Variants in FCHSD2 observed in about 807,000 individuals in gnomAD.
FCHSD2 encodes FCH and double SH3 domains 2.
FCHSD2 carries 38 observed loss-of-function variants against 108.1 expected under a neutral mutation model. That is an observed-to-expected ratio of 0.35 (90% CI 0.27 to 0.46). The LOEUF is 0.46. Ranked by LOEUF, FCHSD2 falls within the 20% of genes least tolerant of loss-of-function variation. The pLI is 1.00. For missense variants in FCHSD2, 751 were observed against 897.8 expected (o/e 0.84, Z 2.09); for synonymous variants, 279 against 314.7 (o/e 0.89, Z 1.20).
Position 73,132,307 on chromosome 11 carries a change from C to A in FCHSD2, c.119+7724G>T, listed in dbSNP as rs115933650. 3.6e-3 allele frequency among the ~76,000 whole-genome samples: 548 copies of A among 152,318 alleles called. 2 individuals carry two copies. The highest frequency in any genetic ancestry group is 0.013 in the African/African-American group (520 of 41,552). ...AGTAGCTACCAATGCTAAATACCTA[C>A]CATTCTTGGCATTTCACCTGTCTCA... On this transcript the variant is annotated intron_variant, in intron 2 of 19. Coordinates refer to ENST00000409418, the MANE Select transcript of FCHSD2 (RefSeq NM_014824.3).
At chr11:73,065,250 C>CA (rs1334614148) in intron 3 of FCHSD2, among the ~76,000 whole-genome samples, 2 of 151,906 alleles carry the variant, frequency 1.3e-5, no homozygotes, top group Admixed American at 1.3e-4. Context: ...GAATCAATCA[C>CA]AAAAAAACAC....
chr11:73,120,524 G>C (rs1185885198), intron 2 of FCHSD2, among the ~76,000 whole-genome samples: 1 of 152,100 alleles, frequency 6.6e-6, no homozygotes, highest in Non-Finnish European at 1.5e-5. Flanking sequence ...GAGGTCAGGG[G>C]TTCGAGACCA....
At chr11:72,873,487 T>C (rs1390644332) in intron 12 of FCHSD2, among the ~76,000 whole-genome samples, 2 of 152,262 alleles carry the variant, frequency 1.3e-5, no homozygotes, top group African/African-American at 4.8e-5. Flanking sequence ...AGTAAGTTTC[T>C]ATCAGATACA....
chr11:73,036,909 C>T (rs1858512135), intron 3 of FCHSD2, among the ~76,000 whole-genome samples: 1 of 152,128 alleles, frequency 6.6e-6, no homozygotes, highest in Admixed American at 6.6e-5. Context: ...TCCCTACCAT[C>T]AAAATCCATT....
At chr11:72,848,300 T>C (rs1218584502) in intron 14 of FCHSD2, among the ~76,000 whole-genome samples, 2 of 152,186 alleles carry the variant, frequency 1.3e-5, no homozygotes, top group Non-Finnish European at 2.9e-5. Context: ...CACCACTGAA[T>C]TTAACATTTC....
intron 9 of FCHSD2, among the ~76,000 whole-genome samples, chr11:72,913,509 T>G (rs1303845051): frequency 3.3e-5 from 5 of 152,214 alleles, no homozygotes; most frequent in African/African-American, 9.6e-5. Context: ...CCTCAAGTGA[T>G]CCACCCACCT....
At chr11:72,944,990 G>A (rs1002802438) in intron 8 of FCHSD2, among the ~76,000 whole-genome samples, 23 of 152,106 alleles carry the variant, frequency 1.5e-4, no homozygotes, top group African/African-American at 5.6e-4. Flanking sequence ...GTAAATTATA[G>A]ATTCAATGCC....
At chr11:73,026,051 G>A (rs1410907671) in intron 3 of FCHSD2, among the ~76,000 whole-genome samples, 2 of 152,002 alleles carry the variant, frequency 1.3e-5, no homozygotes, top group African/African-American at 4.8e-5. Context: ...TTGACATAGA[G>A]TCTCACTCTG....
chr11:73,045,160 T>C (rs987020493), intron 3 of FCHSD2, among the ~76,000 whole-genome samples: 6 of 151,122 alleles, frequency 4.0e-5, no homozygotes, highest in African/African-American at 1.5e-4. Flanking sequence ...AAAAAACACA[T>C]GAAAAAATGC....
chr11:72,988,470 GATTT>G (rs1857351382), intron 6 of FCHSD2, among the ~76,000 whole-genome samples: 1 of 152,040 alleles, frequency 6.6e-6, no homozygotes, highest in Non-Finnish European at 1.5e-5. Context: ...ATATACACTA[GATTT>G]TTGTGTAAAA....
intron 3 of FCHSD2, among the ~76,000 whole-genome samples, chr11:73,018,973 T>A (rs1858036064): frequency 6.6e-6 from 1 of 152,188 alleles, no homozygotes; most frequent in African/African-American, 2.4e-5. Flanking sequence ...ACTCATTATC[T>A]GTAGAGAAGA....
intron 13 of FCHSD2, among the ~76,000 whole-genome samples, chr11:72,855,448 C>G (rs1456662190): frequency 1.3e-5 from 2 of 152,052 alleles, no homozygotes; most frequent in East Asian, 3.8e-4. Context: ...TGTACTCCAG[C>G]CTGGGTGACA....
At chr11:72,889,383 G>C (rs1471686062) in intron 11 of FCHSD2, among the ~76,000 whole-genome samples, 2 of 152,110 alleles carry the variant, frequency 1.3e-5, no homozygotes, top group Non-Finnish European at 2.9e-5. Context: ...TGGTAAACAG[G>C]TAAATTAATG....
chr11:73,098,968 C>T lies in FCHSD2; in HGVS notation c.120-15228G>A, dbSNP rs142022530. 2.4e-3 allele frequency among the ~76,000 whole-genome samples: 368 copies of T among 152,266 alleles called. 2 individuals are homozygous for T. The highest frequency in any genetic ancestry group is 8.4e-3 in the African/African-American group (351 of 41,546). On this transcript the variant is annotated intron_variant, in intron 2 of 19. Transcript: ENST00000409418. ...GTGGCTCATCCCTATAATCTCAACA[C>T]TTTGGGAGACTGAAGCAGGAGGATC...
At position 72,848,538 on chromosome 11, in the gene FCHSD2, A is replaced by G. The variant is rs144453070; in HGVS notation, c.1443+1217T>C. On this transcript the variant is annotated intron_variant, in intron 14 of 19. Coordinates refer to ENST00000409418, the MANE Select transcript of FCHSD2 (RefSeq NM_014824.3). ...CACTTGTTCTATTTTCCAGTTTAAT[A>G]TTTAACCCTTCATAGATTGTCCATT... is the stretch of plus-strand genomic sequence containing the variant. Among the ~76,000 whole-genome samples, 192 of 152,302 alleles carry G rather than the reference A, an allele frequency of 1.3e-3. No individual in the cohort carries two copies. The Middle Eastern group carries it at 0.014, about 11-fold the overall frequency.
intron 7 of FCHSD2, 117 bp downstream of exon 7, chr11:72,984,945 G>T: frequency 1.9e-6 from 1 of 535,930 alleles, no homozygotes; most frequent in Non-Finnish European, 3.4e-6. Context: ...CTGAGTCAGT[G>T]ACTTTAAAAT....
At chr11:72,958,993 A>ATGTGTGTGTG (rs59339008) in intron 8 of FCHSD2, among the ~76,000 whole-genome samples, 92 of 114,876 alleles carry the variant, frequency 8.0e-4, no homozygotes, top group Middle Eastern at 7.3e-3. Flanking sequence ...TCAGTAAGAT[A>ATGTGTGTGTG]TGTGTGTGTG....
At chr11:72,849,151 A>G (rs1289016933) in intron 14 of FCHSD2, among the ~76,000 whole-genome samples, 1 of 152,118 alleles carries the variant, frequency 6.6e-6, no homozygotes, top group Non-Finnish European at 1.5e-5. Flanking sequence ...AGCCTTCCGC[A>G]TTGCCCCTTC....
intron 3 of FCHSD2, among the ~76,000 whole-genome samples, chr11:73,037,535 C>G (rs1446264198): frequency 2.0e-5 from 3 of 152,100 alleles, no homozygotes; most frequent in African/African-American, 7.2e-5. Flanking sequence ...TTGATAGCAG[C>G]CTTTCTCTGG....
Sources: gnomAD v4.1 joint callset for allele counts (sites outside exome capture counted in the v4.1 genomes callset) on GRCh38, gnomAD v4.1.1 for gene constraint, MANE v1.5 for transcripts, NCBI Gene and HGNC (gene_info 2026-07-23, HGNC 2026-07-21) for gene names.